Variants in PDE7B observed in about 807,000 individuals in gnomAD.
PDE7B encodes the protein 3',5'-cyclic-AMP phosphodiesterase 7B.
PDE7B carries 29 observed loss-of-function variants against 56.2 expected under a neutral mutation model. The ratio of observed to expected loss-of-function variants is 0.52; its 90% CI spans 0.38 to 0.70. The LOEUF is 0.70. PDE7B is among the 30% of genes least tolerant of loss of function. The pLI is 0.00. For missense variants in PDE7B, 490 were observed against 565.0 expected, an observed-to-expected ratio of 0.87 and a Z score of 1.35; for synonymous variants, 197 against 196.9, an observed-to-expected ratio of 1.00 and a Z score of 0.00.
At chr6:136,064,618 G>A (rs754204450) in intron 2 of PDE7B, 6 of 151,970 alleles carry the variant, frequency 3.9e-5, no homozygotes, top group African/African-American at 9.7e-5. Flanking sequence ...CTTCATCTTC[G>A]GAACCTTCAC....
intron 8 of PDE7B, among the ~76,000 whole-genome samples, chr6:136,167,002 A>G (rs1484576945): frequency 6.6e-6 from 1 of 152,076 alleles, no homozygotes; most frequent in Non-Finnish European, 1.5e-5. Context: ...CTCGCTGTGC[A>G]TTGACCTCAC....
intron 3 of PDE7B, among the ~76,000 whole-genome samples, chr6:136,133,214 CTAAAACT>C (rs1778148500): frequency 6.6e-6 from 1 of 150,580 alleles, no homozygotes; most frequent in African/African-American, 2.4e-5. Flanking sequence ...CACATGTACC[CTAAAACT>C]TAAAGTATAA....
intron 1 of PDE7B, among the ~76,000 whole-genome samples, chr6:135,892,797 A>G (rs1775831595): frequency 6.6e-6 from 1 of 152,146 alleles, no homozygotes; most frequent in Non-Finnish European, 1.5e-5. Flanking sequence ...TAAGTTGAAT[A>G]TTTCTCAGTA....
intron 1 of PDE7B, among the ~76,000 whole-genome samples, chr6:135,903,207 A>G (rs1427015309): frequency 6.6e-6 from 1 of 152,204 alleles, no homozygotes; most frequent in Non-Finnish European, 1.5e-5. Context: ...TGGCCCAAAC[A>G]CTGTACTCAA....
At chr6:135,907,906 C>T (rs1776144471) in intron 1 of PDE7B, among the ~76,000 whole-genome samples, 2 of 151,998 alleles carry the variant, frequency 1.3e-5, no homozygotes, top group African/African-American at 2.4e-5. Context: ...AAAGACATGT[C>T]ATATCAAAGG....
chr6:135,973,233 TG>T (rs1430265509), intron 2 of PDE7B, among the ~76,000 whole-genome samples: 1 of 152,140 alleles, frequency 6.6e-6, no homozygotes, highest in Non-Finnish European at 1.5e-5. Flanking sequence ...ATACAGTATT[TG>T]TCTTTCTGTG....
intron 12 of PDE7B, among the ~76,000 whole-genome samples, chr6:136,189,602 G>A (rs146384789): frequency 6.6e-6 from 1 of 152,036 alleles, no homozygotes; most frequent in African/African-American, 2.4e-5. Context: ...ACAAAAAAAG[G>A]TATTAAATCA....
At chr6:135,897,523 T>C (rs1401486084) in intron 1 of PDE7B, among the ~76,000 whole-genome samples, 5 of 152,152 alleles carry the variant, frequency 3.3e-5, no homozygotes, top group Admixed American at 3.3e-4. Context: ...AGGGAGCTGA[T>C]AACAACAGAG....
chr6:135,987,389 G>T (rs1775399943), intron 2 of PDE7B, among the ~76,000 whole-genome samples: 1 of 152,062 alleles, frequency 6.6e-6, no homozygotes, highest in Non-Finnish European at 1.5e-5. Flanking sequence ...TATCTGACTT[G>T]GGAGATGAAG....
intron 2 of PDE7B, among the ~76,000 whole-genome samples, chr6:136,069,312 G>T (rs905286273): frequency 2.6e-5 from 4 of 152,226 alleles, no homozygotes; most frequent in Non-Finnish European, 4.4e-5. Flanking sequence ...CTCTCAGCAT[G>T]CAGTGAATCA....
intron 2 of PDE7B, among the ~76,000 whole-genome samples, chr6:136,098,696 G>C (rs1196557602): frequency 1.3e-5 from 2 of 151,942 alleles, no homozygotes; most frequent in African/African-American, 2.4e-5. Context: ...TTATGTGACT[G>C]TCTTCTGGAT....
chr6:136,191,994 C>G lies in PDE7B; in HGVS notation c.*154C>G. ...TCTTCCTCCCACTTACCTGCCTCCC[C>G]TCCTTTTCGCAAATGTACAGAAGCC... On this transcript the variant is annotated 3_prime_UTR_variant, in exon 13 of 13. Coordinates refer to ENST00000308191, the MANE Select transcript of PDE7B (RefSeq NM_018945.4). 2 of 626,902 alleles carry G rather than the reference C, an allele frequency of 3.2e-6. No homozygotes were observed. Among genetic ancestry groups the G allele is most frequent in the East Asian group, 5.5e-5 (2 of 36,486 alleles). 38.8% of individuals were successfully genotyped at this position (626,902 alleles called of 1,614,324 possible).
intron 3 of PDE7B, among the ~76,000 whole-genome samples, chr6:136,146,763 C>T (rs1261985641): frequency 6.6e-6 from 1 of 152,168 alleles, no homozygotes; most frequent in Non-Finnish European, 1.5e-5. Flanking sequence ...GTGTGAATTT[C>T]ACTTAGCATA....
chr6:135,863,482 G>T (rs546841988), intron 1 of PDE7B, among the ~76,000 whole-genome samples: 1 of 151,896 alleles, frequency 6.6e-6, no homozygotes, highest in Non-Finnish European at 1.5e-5. Context: ...GACCTAAAAA[G>T]GTTCAGCACA....
In PDE7B at chr6:135,853,601, GTC is replaced by G. The variant is rs747157364; in HGVS notation, c.21+1586_21+1587del. Among the ~76,000 whole-genome samples the G allele has an allele frequency of 6.0e-4, 92 of 152,262 alleles. 2 individuals carry two copies. Among genetic ancestry groups the G allele is most frequent in the Middle Eastern group, 3.4e-3 (1 of 294 alleles). ...TTAACTAGTTGCAACTCCAAAAACT[GTC>G]TCTGCCTTGTAAGAATTTTTACCTG... is the stretch of plus-strand genomic sequence containing the variant. On this transcript the variant is annotated intron_variant, in intron 1 of 12. Transcript: ENST00000308191.
chr6:136,193,663 TCAAC>T lies in PDE7B; in HGVS notation c.*1825_*1828del, dbSNP rs1429287288. 6.6e-6 allele frequency: 1 copy of T among 152,256 alleles called. No homozygotes were observed. The highest frequency in any genetic ancestry group is 2.4e-5 in the African/African-American group (1 of 41,468). The allele number at this position is 152,256 out of a possible 1,614,324, so 9.4% of individuals were successfully genotyped here. On this transcript the variant is annotated 3_prime_UTR_variant, in exon 13 of 13. Transcript: ENST00000308191. ...GGGAGAATGACTGTTTCTGCCACTA[TCAAC>T]CTGATCCTCATGCTGATAGAATGAC...
At position 135,925,464 on chromosome 6, in the gene PDE7B, G is replaced by A. The variant is rs1269651263; in HGVS notation, c.22-22000G>A. 2.0e-5 allele frequency among the ~76,000 whole-genome samples: 3 copies of A among 152,038 alleles called. No individual in the cohort carries two copies. The South Asian group carries it at 6.2e-4, about 32-fold the overall frequency. ...CAATGTGATCTTACATTGCAAAACT[G>A]AGCTTCTTCTGTTTACTACAAAAAA... On this transcript the variant is annotated intron_variant, in intron 1 of 12. Coordinates refer to ENST00000308191, the MANE Select transcript of PDE7B (RefSeq NM_018945.4).
chr6:135,916,332 C>T (rs2128194625), intron 1 of PDE7B, among the ~76,000 whole-genome samples: 1 of 149,240 alleles, frequency 6.7e-6, no homozygotes, highest in East Asian at 2.0e-4. Context: ...GTATTTATTC[C>T]TTTGTGAAGT....
Position 135,920,067 on chromosome 6 carries a change from A to G in PDE7B, c.22-27397A>G, listed in dbSNP as rs567860045. Among the ~76,000 whole-genome samples the G allele has an allele frequency of 2.0e-5, 3 of 152,312 alleles. No individual in the cohort carries two copies. The South Asian group carries it at 6.2e-4, about 32-fold the overall frequency. On this transcript the variant is annotated intron_variant, in intron 1 of 12. Transcript: ENST00000308191. The stretch of plus-strand genomic sequence containing the variant: ...TATTCTTGTCTTAAGTATCCTAGAT[A>G]ATGTTGAAACATTCAGATTTTTTAA...
Sources: gnomAD v4.1 joint callset for allele counts (sites outside exome capture counted in the v4.1 genomes callset) on GRCh38, gnomAD v4.1.1 for gene constraint, MANE v1.5 for transcripts, NCBI Gene and HGNC (gene_info 2026-07-23, HGNC 2026-07-21) for gene names.